Variants in FAF2 observed in about 807,000 individuals in gnomAD.
FAF2 encodes FAS-associated factor 2.
A neutral mutation model predicts 62.3 loss-of-function variants in FAF2; 9 were observed. That is an observed-to-expected ratio of 0.14 (90% CI 0.09 to 0.25). FAF2 has a LOEUF of 0.25. FAF2 is among the 10% of genes least tolerant of loss of function. The pLI, the probability that FAF2 is intolerant of heterozygous loss-of-function variation, is 1.00. For synonymous variants in FAF2, 202 were observed against 198.0 expected (o/e 1.02, Z -0.17); for missense variants, 368 against 556.2 (o/e 0.66, Z 3.40).
intron 1 of FAF2, among the ~76,000 whole-genome samples, chr5:176,465,705 G>A (rs550635330): frequency 7.9e-5 from 12 of 152,206 alleles, no homozygotes; most frequent in South Asian, 6.2e-4. Context: ...TTTACTGAAA[G>A]CTATTTTAGC....
intron 2 of FAF2, among the ~76,000 whole-genome samples, chr5:176,484,846 C>T (rs1240758239): frequency 6.7e-6 from 1 of 149,006 alleles, no homozygotes; most frequent in Non-Finnish European, 1.5e-5. Context: ...GAGCTGAGAT[C>T]ATGCCACTGC....
intron 10 of FAF2, 67 bp downstream of exon 10, chr5:176,500,213 A>T (rs1755570437): frequency 6.7e-7 from 1 of 1,492,982 alleles, no homozygotes; most frequent in Non-Finnish European, 9.2e-7. Flanking sequence ...GCTTTTACTG[A>T]CTCTTGAGAG....
In FAF2 at chr5:176,508,795, C is replaced by G. The variant is rs907900882; in HGVS notation, c.*1845C>G. The G allele has an allele frequency of 6.6e-6, 1 of 152,206 alleles. No individual in the cohort carries two copies. Among genetic ancestry groups the G allele is most frequent in the Non-Finnish European group, 1.5e-5 (1 of 68,040 alleles). 9.4% of individuals were successfully genotyped at this position (152,206 alleles called of 1,614,324 possible). A position where few individuals can be genotyped will look rare whatever the true frequency, so the allele number is the denominator to read the frequency against. On this transcript the variant is annotated 3_prime_UTR_variant, in exon 11 of 11. Coordinates refer to ENST00000261942, the MANE Select transcript of FAF2 (RefSeq NM_014613.3). ...TGTTCTCCACATAAGGATAACCTTA[C>G]GTGAAACCTTCCTGCTGACAACCAT...
Position 176,451,888 on chromosome 5 carries a change from ATATATTTTTTTT to A in FAF2, c.63+3420_63+3431del, listed in dbSNP as rs1403737205. 3.9e-3 allele frequency among the ~76,000 whole-genome samples: 110 copies of A among 28,490 alleles called. 1 individual carries two copies. The highest frequency in any genetic ancestry group is 0.037 in the South Asian group (30 of 802). 18.7% of individuals were successfully genotyped at this position (28,490 alleles called of 152,430 possible). On this transcript the variant is annotated intron_variant, in intron 1 of 10. Transcript: ENST00000261942. ...TATATATACACACATATATATATATATATATTTTTTTTTTTTTTTTTTTTTTTTTTTTTGAGA... is the reference window on the plus strand; with the variant it reads ...TATATATACACACATATATATATATATTTTTTTTTTTTTTTTTTTTTGAGA...
intron 1 of FAF2, among the ~76,000 whole-genome samples, chr5:176,451,151 A>G (rs999307038): frequency 6.6e-6 from 1 of 152,124 alleles, no homozygotes; most frequent in Non-Finnish European, 1.5e-5. Flanking sequence ...CAGGTGGATC[A>G]CCTGAGATCA....
rs1019559674 is a variant in FAF2 at position 176,507,346 on chromosome 5, A to C, written c.*396A>C. 2 of 453,542 alleles carry C rather than the reference A, an allele frequency of 4.4e-6. No individual in the cohort carries two copies. Among genetic ancestry groups the C allele is most frequent in the Non-Finnish European group, 8.9e-6 (2 of 225,488 alleles). The allele number at this position is 453,542 out of a possible 1,614,324, so 28.1% of individuals were successfully genotyped here. ...AAAATAAAAGTGAAAAACCTCCATC[A>C]ACCAGCTACTTGCAGCATCTCCTGA... is the stretch of plus-strand genomic sequence containing the variant. On this transcript the variant is annotated 3_prime_UTR_variant, in exon 11 of 11. Coordinates refer to ENST00000261942, the MANE Select transcript of FAF2 (RefSeq NM_014613.3).
At chr5:176,482,730 G>T (rs1758803826) in intron 2 of FAF2, among the ~76,000 whole-genome samples, 1 of 152,122 alleles carries the variant, frequency 6.6e-6, no homozygotes, top group Admixed American at 6.6e-5. Flanking sequence ...TGACCAGGCT[G>T]GTCTTAAACT....
At chr5:176,472,920 T>C (rs939797256) in intron 1 of FAF2, among the ~76,000 whole-genome samples, 2 of 152,250 alleles carry the variant, frequency 1.3e-5, no homozygotes, top group East Asian at 1.9e-4. Context: ...CCTCCCTCCT[T>C]CAAGTTTTGT....
chr5:176,463,689 G>A (rs1298197945), intron 1 of FAF2, among the ~76,000 whole-genome samples: 2 of 150,936 alleles, frequency 1.3e-5, no homozygotes, highest in Non-Finnish European at 2.9e-5. Flanking sequence ...TACGAAGCTA[G>A]TGCGTGGTAG....
chr5:176,504,128 C>T lies in FAF2; in HGVS notation c.1156-2640C>T, dbSNP rs185347510. On this transcript the variant is annotated intron_variant, in intron 10 of 10. Transcript: ENST00000261942. ...TCTCAAAAAAAAAGAAAAACAAAAG[C>T]CAAGTTTGTACAAGTGTTAGGTATT... 1.1e-4 allele frequency among the ~76,000 whole-genome samples: 17 copies of T among 151,610 alleles called. No homozygotes were observed. The East Asian group carries it at 2.5e-3, about 23-fold the overall frequency.
At chr5:176,451,878 ATATATATATATATATTTTTTTT>A (rs1481448805) in intron 1 of FAF2, among the ~76,000 whole-genome samples, 1 of 19,164 alleles carries the variant, frequency 5.2e-5, no homozygotes, top group East Asian at 1.3e-3. Flanking sequence ...ATACACACAT[ATATATATATATATATTTTTTTT>A]TTTTTTTTTT....
At chr5:176,460,708 T>G (rs1324530039) in intron 1 of FAF2, among the ~76,000 whole-genome samples, 13 of 152,006 alleles carry the variant, frequency 8.6e-5, no homozygotes, top group Non-Finnish European at 1.9e-4. Context: ...TCCCAGCACT[T>G]TGGGAGGCTG....
In FAF2 at chr5:176,482,648, A is replaced by G. The variant is rs865867041; in HGVS notation, c.132+3392A>G. Among the ~76,000 whole-genome samples the G allele has an allele frequency of 2.4e-4, 36 of 152,306 alleles. 1 individual carries two copies. The highest frequency in any genetic ancestry group is 1.5e-3 in the South Asian group (7 of 4,820). ...TTCAGCCTCCTGAGTAGCTAGGACT[A>G]CAAGCACACACCACCACATCCAGCT... On this transcript the variant is annotated intron_variant, in intron 2 of 10. Coordinates refer to ENST00000261942, the MANE Select transcript of FAF2 (RefSeq NM_014613.3).
At chr5:176,462,761 C>T (rs978449363) in intron 1 of FAF2, among the ~76,000 whole-genome samples, 1 of 152,032 alleles carries the variant, frequency 6.6e-6, no homozygotes, top group Non-Finnish European at 1.5e-5. Flanking sequence ...CTAATATATA[C>T]ACATCTTATG....
At chr5:176,484,710 G>A (rs1266470168) in intron 2 of FAF2, among the ~76,000 whole-genome samples, 1 of 152,114 alleles carries the variant, frequency 6.6e-6, no homozygotes, top group East Asian at 1.9e-4. Context: ...GGCCAAGATG[G>A]TGAAACCCCG....
At chr5:176,451,081 A>G (rs1316102456) in intron 1 of FAF2, among the ~76,000 whole-genome samples, 5 of 152,122 alleles carry the variant, frequency 3.3e-5, no homozygotes. Context: ...TTTAAGAAAA[A>G]TATTTTAGAC....
chr5:176,505,448 G>A (rs928472306), intron 10 of FAF2, among the ~76,000 whole-genome samples: 4 of 152,194 alleles, frequency 2.6e-5, no homozygotes, highest in East Asian at 1.9e-4. Flanking sequence ...CATATGAGGT[G>A]CAACACATTT....
intron 1 of FAF2, among the ~76,000 whole-genome samples, chr5:176,452,599 A>G (rs1581466094): frequency 1.3e-5 from 2 of 152,204 alleles, no homozygotes; most frequent in African/African-American, 4.8e-5. Flanking sequence ...AGAGGAATAG[A>G]GTTTCAACAT....
At chr5:176,451,626 A>G (rs1758171122) in intron 1 of FAF2, among the ~76,000 whole-genome samples, 1 of 150,156 alleles carries the variant, frequency 6.7e-6, no homozygotes, top group South Asian at 2.1e-4. Flanking sequence ...CACAAGTAGT[A>G]AGTGGTAGAG....
Sources: allele counts gnomAD v4.1 joint callset (sites outside exome capture counted in the v4.1 genomes callset), GRCh38; gene constraint gnomAD v4.1.1; transcripts MANE v1.5; gene names NCBI Gene and HGNC (gene_info 2026-07-23, HGNC 2026-07-21).